MACROD2: variants seen among roughly 807,000 people sequenced by gnomAD.
MACROD2 encodes ADP-ribose glycohydrolase MACROD2.
A neutral mutation model predicts 70.4 loss-of-function variants in MACROD2; 36 were observed. The observed-to-expected ratio is 0.51, with a 90% CI of 0.39 to 0.68. The LOEUF (loss-of-function observed/expected upper bound fraction) is 0.68. Among genes scored for constraint, MACROD2 ranks in the 30% least tolerant of loss-of-function variants. MACROD2 has a pLI of 0.00. For missense variants in MACROD2, 496 were observed against 538.4 expected, an observed-to-expected ratio of 0.92 and a Z score of 0.78; for synonymous variants, 172 against 178.8, an observed-to-expected ratio of 0.96 and a Z score of 0.30.
At position 15,801,186 on chromosome 20, in the gene MACROD2, TAAA is replaced by T. The variant is rs1197681475; in HGVS notation, c.646-61543_646-61541del. Among the ~76,000 whole-genome samples, 5 of 89,312 alleles carry T rather than the reference TAAA, an allele frequency of 5.6e-5. No homozygotes were observed. The South Asian group carries it at 9.9e-4, about 18-fold the overall frequency. 58.6% of individuals were successfully genotyped at this position (89,312 alleles called of 152,430 possible). A position where few individuals can be genotyped will look rare whatever the true frequency, so the allele number is the denominator to read the frequency against. ...CGAGAAACACCCAAGAATGATCAAT[TAAA>T]AAAAAAAAAAAAAAACGAAAAACAA... On this transcript the variant is annotated intron_variant, in intron 8 of 17. Transcript: ENST00000684519.
chr20:15,296,495 A>G (rs1423776543), intron 6 of MACROD2, among the ~76,000 whole-genome samples: 1 of 152,184 alleles, frequency 6.6e-6, no homozygotes, highest in Non-Finnish European at 1.5e-5. Context: ...AAAAACAAAC[A>G]TAAAGACCAA....
intron 5 of MACROD2, among the ~76,000 whole-genome samples, chr20:15,019,274 G>T (rs2075146173): frequency 6.6e-6 from 1 of 152,218 alleles, no homozygotes. Flanking sequence ...AGCTTCTATT[G>T]TGTAAGAACG....
intron 3 of MACROD2, among the ~76,000 whole-genome samples, chr20:14,136,886 C>G (rs752687122): frequency 2.0e-5 from 3 of 152,200 alleles, no homozygotes; most frequent in Non-Finnish European, 4.4e-5. Context: ...CCATCTGCCC[C>G]CAGAATTCAT....
At chr20:14,302,797 C>T (rs757344283) in intron 3 of MACROD2, among the ~76,000 whole-genome samples, 3 of 151,782 alleles carry the variant, frequency 2.0e-5, no homozygotes, top group Admixed American at 6.6e-5. Flanking sequence ...GGATTACAGG[C>T]GCGCGCCACC....
Position 13,995,564 on chromosome 20 carries a change from G to T in MACROD2, c.-200G>T. ...GGCGGCGTCCGCGGGGCTGAGGCGGGTGGGAGCCGGAGCCGAGCGCGGGCT... is the reference window on the plus strand; with the variant it reads ...GGCGGCGTCCGCGGGGCTGAGGCGGTTGGGAGCCGGAGCCGAGCGCGGGCT... On this transcript the variant is annotated 5_prime_UTR_variant, in exon 1 of 18. Transcript: ENST00000684519. The surrounding 1 kb of genome is among the most constrained non-coding windows in gnomAD (Gnocchi z 4.3). 4.6e-6 allele frequency: 3 copies of T among 656,920 alleles called. No homozygotes were observed. In the South Asian group the frequency reaches 5.2e-5, roughly 11 times the overall value. 40.7% of individuals were successfully genotyped at this position (656,920 alleles called of 1,614,324 possible). A position where few individuals can be genotyped will look rare whatever the true frequency, so the allele number is the denominator to read the frequency against.
chr20:15,468,286 T>A (rs1568829919), intron 7 of MACROD2, among the ~76,000 whole-genome samples: 1 of 151,962 alleles, frequency 6.6e-6, no homozygotes, highest in Non-Finnish European at 1.5e-5. Context: ...TCCATACTTC[T>A]ATTCAATTAA....
At chr20:14,589,140 A>G (rs1279914960) in intron 4 of MACROD2, among the ~76,000 whole-genome samples, 2 of 152,124 alleles carry the variant, frequency 1.3e-5, no homozygotes, top group Non-Finnish European at 2.9e-5. Context: ...AAAATAATGC[A>G]TTTCAGGATT....
intron 9 of MACROD2, among the ~76,000 whole-genome samples, chr20:15,879,923 T>C (rs1410179009): frequency 6.6e-6 from 1 of 152,036 alleles, no homozygotes; most frequent in East Asian, 1.9e-4. Context: ...TGTTTCAGTT[T>C]GAATCTGAAG....
At chr20:15,213,320 G>A (rs1184061113) in intron 5 of MACROD2, among the ~76,000 whole-genome samples, 1 of 152,058 alleles carries the variant, frequency 6.6e-6, no homozygotes, top group Non-Finnish European at 1.5e-5. Context: ...CATTCTGCTT[G>A]TTAAAGGGAT....
chr20:14,099,027 C>T (rs2054265612), intron 3 of MACROD2, among the ~76,000 whole-genome samples: 2 of 152,154 alleles, frequency 1.3e-5, no homozygotes, highest in Non-Finnish European at 2.9e-5. Context: ...CGCCTGTAAT[C>T]CCAACACTTT....
chr20:15,781,914 G>T (rs995273025), intron 8 of MACROD2, among the ~76,000 whole-genome samples: 14 of 152,242 alleles, frequency 9.2e-5, no homozygotes, highest in African/African-American at 3.1e-4. Context: ...AGAGCAGGGA[G>T]AAATAATGAG....
intron 2 of MACROD2, among the ~76,000 whole-genome samples, chr20:14,059,659 C>T (rs946943606): frequency 1.3e-5 from 2 of 152,080 alleles, no homozygotes; most frequent in African/African-American, 4.8e-5. Flanking sequence ...GATGAGGTTT[C>T]ATTTTTTGGA....
At chr20:14,276,930 T>C (rs549322951) in intron 3 of MACROD2, among the ~76,000 whole-genome samples, 114 of 152,314 alleles carry the variant, frequency 7.5e-4, no homozygotes, top group African/African-American at 2.5e-3. Flanking sequence ...CAGAAAATAC[T>C]GTCGGACCAT....
chr20:14,850,019 G>T (rs1340015585), intron 5 of MACROD2: 1 of 515,040 alleles, frequency 1.9e-6, no homozygotes, highest in Non-Finnish European at 3.9e-6. Flanking sequence ...TTTCTCTATT[G>T]TATTCCTGCA....
chr20:15,669,520 G>A (rs529865275), intron 8 of MACROD2, among the ~76,000 whole-genome samples: 38 of 152,178 alleles, frequency 2.5e-4, no homozygotes, highest in African/African-American at 8.7e-4. Context: ...CCCAACTCCT[G>A]CTCCCTGATT....
At chr20:14,020,716 T>A (rs2053064756) in intron 2 of MACROD2, among the ~76,000 whole-genome samples, 1 of 152,194 alleles carries the variant, frequency 6.6e-6, no homozygotes, top group African/African-American at 2.4e-5. Flanking sequence ...CCTGAGACTT[T>A]CCAAACAATT....
At chr20:14,651,519 G>A (rs1315338528) in intron 4 of MACROD2, among the ~76,000 whole-genome samples, 1 of 152,198 alleles carries the variant, frequency 6.6e-6, no homozygotes, top group South Asian at 2.1e-4. Flanking sequence ...GGAGTAATAA[G>A]TGATGGAGGT....
intron 5 of MACROD2, among the ~76,000 whole-genome samples, chr20:14,840,590 G>C (rs2073076767): frequency 6.6e-6 from 1 of 151,974 alleles, no homozygotes; most frequent in Admixed American, 6.6e-5. Context: ...TTTGTGTCCA[G>C]AGAGACTTGG....
At chr20:16,034,461 G>T (rs2067196091) in intron 15 of MACROD2, among the ~76,000 whole-genome samples, 1 of 151,902 alleles carries the variant, frequency 6.6e-6, no homozygotes, top group South Asian at 2.1e-4. Flanking sequence ...ACAATCATTA[G>T]CTTAAAAAGA....
Sources: allele counts gnomAD v4.1 joint callset (sites outside exome capture counted in the v4.1 genomes callset), GRCh38; gene constraint gnomAD v4.1.1; non-coding constraint Gnocchi (gnomAD v3.1); transcripts MANE v1.5; gene names NCBI Gene and HGNC (gene_info 2026-07-23, HGNC 2026-07-21).